The following BAIAP2L1 variants were observed in gnomAD, a reference collection of about 807,000 sequenced individuals.
BAIAP2L1 encodes the protein BAR/IMD domain containing adaptor protein 2 like 1, also known as BAR/IMD domain-containing adapter protein 2-like 1.
Under a neutral mutation model 66.3 loss-of-function variants are expected in BAIAP2L1, and 35 were observed. The observed-to-expected ratio is 0.53, with a 90% CI of 0.40 to 0.70. BAIAP2L1 has a LOEUF of 0.70. BAIAP2L1 is among the 30% of genes least tolerant of loss of function. The probability of loss-of-function intolerance (pLI) is 0.00; values close to 1 mark genes in which losing one functional copy is unlikely to be tolerated. For missense variants in BAIAP2L1, 622 were observed against 656.9 expected (o/e 0.95, Z 0.58); for synonymous variants, 269 against 248.7 (o/e 1.08, Z -0.77).
intron 1 of BAIAP2L1, chr7:98,386,207 T>G (rs950262496): frequency 1.2e-5 from 19 of 1,521,388 alleles, no homozygotes; most frequent in African/African-American, 5.4e-5. Flanking sequence ...TCGGTAGTCT[T>G]GACATCAACG....
chr7:98,386,693 G>GTTTTT (rs71112150), intron 1 of BAIAP2L1: 10,534 of 186,994 alleles, frequency 0.056, 390 homozygotes, highest in Non-Finnish European at 0.072. Flanking sequence ...CTTTCCAAAG[G>GTTTTT]TTTTTTTTTT....
intron 2 of BAIAP2L1, among the ~76,000 whole-genome samples, chr7:98,360,993 G>T (rs1272624046): frequency 6.6e-6 from 1 of 152,218 alleles, no homozygotes; most frequent in African/African-American, 2.4e-5. Flanking sequence ...CCTGGGGCAG[G>T]TTCATGCTGA....
intron 3 of BAIAP2L1, among the ~76,000 whole-genome samples, chr7:98,322,345 C>T (rs958111123): frequency 1.3e-5 from 2 of 152,184 alleles, no homozygotes; most frequent in African/African-American, 2.4e-5. Flanking sequence ...AACACGACCA[C>T]GCAGACGTCC....
intron 1 of BAIAP2L1, among the ~76,000 whole-genome samples, chr7:98,370,838 T>C (rs2115761723): frequency 6.6e-6 from 1 of 152,176 alleles, no homozygotes; most frequent in East Asian, 1.9e-4. Flanking sequence ...TCCATTCCTA[T>C]ATTGGCTCTT....
At chr7:98,370,588 G>A (rs899505252) in intron 1 of BAIAP2L1, among the ~76,000 whole-genome samples, 4 of 151,580 alleles carry the variant, frequency 2.6e-5, no homozygotes, top group Non-Finnish European at 4.4e-5. Context: ...TGCAAGCTCC[G>A]CCTCCTGGGT....
At chr7:98,354,792 C>A (rs1450545152) in intron 3 of BAIAP2L1, among the ~76,000 whole-genome samples, 1 of 152,114 alleles carries the variant, frequency 6.6e-6, no homozygotes. Context: ...GCCCAGGCAC[C>A]CAGGGCAAAA....
intron 3 of BAIAP2L1, among the ~76,000 whole-genome samples, chr7:98,350,919 C>T (rs114502350): frequency 0.012 from 1,786 of 152,030 alleles, 41 homozygotes; most frequent in African/African-American, 0.041. Context: ...TGTAGTGGAG[C>T]GATCTTGGCT....
intron 1 of BAIAP2L1, among the ~76,000 whole-genome samples, chr7:98,385,445 G>A (rs904784396): frequency 2.6e-5 from 4 of 152,086 alleles, no homozygotes; most frequent in African/African-American, 9.7e-5. Flanking sequence ...TTTTGAGACA[G>A]GTTCTTGCTG....
At chr7:98,311,585 A>C (rs1800871600) in intron 8 of BAIAP2L1, among the ~76,000 whole-genome samples, 1 of 151,562 alleles carries the variant, frequency 6.6e-6, no homozygotes, top group African/African-American at 2.4e-5. Context: ...TAAAATTTCC[A>C]AAACAAAGAT....
chr7:98,347,541 C>T (rs1251112106), intron 3 of BAIAP2L1, among the ~76,000 whole-genome samples: 4 of 151,682 alleles, frequency 2.6e-5, no homozygotes, highest in Non-Finnish European at 4.4e-5. Flanking sequence ...TTTGGGAGGC[C>T]GAGGTGGGTG....
At chr7:98,305,594 A>AT (rs556524286) in intron 11 of BAIAP2L1, among the ~76,000 whole-genome samples, 35 of 151,806 alleles carry the variant, frequency 2.3e-4, no homozygotes, top group South Asian at 1.7e-3. Context: ...CTAATTGTTT[A>AT]TTTTTTTTGT....
intron 3 of BAIAP2L1, among the ~76,000 whole-genome samples, chr7:98,348,963 T>G (rs560263392): frequency 2.6e-4 from 40 of 152,390 alleles, no homozygotes; most frequent in Non-Finnish European, 5.0e-4. Flanking sequence ...CTGGCCTTAC[T>G]GTCCTGGGTC....
intron 2 of BAIAP2L1, among the ~76,000 whole-genome samples, chr7:98,361,793 T>C (rs1252703235): frequency 6.6e-6 from 1 of 152,122 alleles, no homozygotes; most frequent in Non-Finnish European, 1.5e-5. Context: ...TGGGGTGCAG[T>C]GGCACTATCA....
At position 98,375,937 on chromosome 7, in the gene BAIAP2L1, C is replaced by T. The variant is rs565568452; in HGVS notation, c.52-13505G>A. ...TTCAGACTGCTGTTAAATATCTAGC[C>T]GATATTTTATATTTTCACACACACG... On this transcript the variant is annotated intron_variant, in intron 1 of 13. Coordinates refer to ENST00000005260, the MANE Select transcript of BAIAP2L1 (RefSeq NM_018842.5). Among the ~76,000 whole-genome samples the T allele has an allele frequency of 8.6e-5, 13 of 152,020 alleles. No individual in the cohort carries two copies. The South Asian group carries it at 1.2e-3, about 15-fold the overall frequency.
intron 11 of BAIAP2L1, among the ~76,000 whole-genome samples, chr7:98,306,069 A>G (rs1562966591): frequency 6.6e-6 from 1 of 152,206 alleles, no homozygotes; most frequent in African/African-American, 2.4e-5. Context: ...GCCAGAGAAC[A>G]TTCCAGAAAA....
At chr7:98,399,930 G>C (rs1283083031) in intron 1 of BAIAP2L1, 2 of 152,194 alleles carry the variant, frequency 1.3e-5, no homozygotes, top group African/African-American at 4.8e-5. Flanking sequence ...GGGAGAGGAA[G>C]GGTCTAAGGA....
chr7:98,336,639 C>T (rs929379857), intron 3 of BAIAP2L1, among the ~76,000 whole-genome samples: 35 of 152,268 alleles, frequency 2.3e-4, no homozygotes, highest in African/African-American at 7.9e-4. Context: ...AAAATAAATG[C>T]ATAAATATAT....
At position 98,361,335 on chromosome 7, in the gene BAIAP2L1, C is replaced by T. The variant is rs527668677; in HGVS notation, c.127+1022G>A. 1.5e-3 allele frequency among the ~76,000 whole-genome samples: 218 copies of T among 148,358 alleles called. 1 individual carries two copies. The highest frequency in any genetic ancestry group is 5.7e-3 in the Admixed American group (84 of 14,724). ...TTGTTCCACTGCACTCCAGCCTGGGCGACAGAGCAAGACTCTGTCTGGGAA... is the reference window on the plus strand; with the variant it reads ...TTGTTCCACTGCACTCCAGCCTGGGTGACAGAGCAAGACTCTGTCTGGGAA... On this transcript the variant is annotated intron_variant, in intron 2 of 13. Coordinates refer to ENST00000005260, the MANE Select transcript of BAIAP2L1 (RefSeq NM_018842.5).
chr7:98,386,252 T>C (rs1802888130), intron 1 of BAIAP2L1: 4 of 1,589,666 alleles, frequency 2.5e-6, no homozygotes, highest in Non-Finnish European at 2.6e-6. Flanking sequence ...TTTTTGACCA[T>C]GGAACACATT....
Sources: allele counts gnomAD v4.1 joint callset (sites outside exome capture counted in the v4.1 genomes callset), GRCh38; gene constraint gnomAD v4.1.1; transcripts MANE v1.5; gene names NCBI Gene and HGNC (gene_info 2026-07-23, HGNC 2026-07-21).